Variants in DBF4 observed in about 807,000 individuals in gnomAD.
DBF4 encodes the protein DBF4-CDC7 kinase regulatory subunit.
A neutral mutation model predicts 76.6 loss-of-function variants in DBF4; 25 were observed. The observed-to-expected ratio is 0.33, with a 90% CI of 0.24 to 0.46. DBF4 has a LOEUF of 0.46. Among genes scored for constraint, DBF4 ranks in the 20% least tolerant of loss-of-function variants. The probability of loss-of-function intolerance (pLI) is 1.00; values close to 1 mark genes in which losing one functional copy is unlikely to be tolerated. For missense variants in DBF4, 638 were observed against 760.8 expected, an observed-to-expected ratio of 0.84 and a Z score of 1.90; for synonymous variants, 213 against 258.0, an observed-to-expected ratio of 0.83 and a Z score of 1.67.
chr7:87,882,092 T>G (rs1307079676), intron 2 of DBF4, among the ~76,000 whole-genome samples: 1 of 152,064 alleles, frequency 6.6e-6, no homozygotes, highest in Non-Finnish European at 1.5e-5. Flanking sequence ...TGTAAGAAAT[T>G]AAAAACCAAA....
At chr7:87,904,987 A>G (rs556595544) in intron 11 of DBF4, among the ~76,000 whole-genome samples, 3 of 152,154 alleles carry the variant, frequency 2.0e-5, no homozygotes, top group South Asian at 2.1e-4. Context: ...GTCTCGCCCT[A>G]TCACCCAGGC....
At chr7:87,894,962 A>C (rs993164850) in intron 6 of DBF4, among the ~76,000 whole-genome samples, 2 of 152,044 alleles carry the variant, frequency 1.3e-5, no homozygotes, top group African/African-American at 4.8e-5. Context: ...TTTCTTCACT[A>C]GTCTCTCCCC....
chr7:87,909,268 T>C lies in DBF4; in HGVS notation c.*1105T>C, dbSNP rs2131084879. Reference sequence around the variant, plus strand: ...ATTTGAATCTGTGGATATAAGGCATTTGCCTTTGAGTATGTTCTTGTAGGA... The same window carrying C: ...ATTTGAATCTGTGGATATAAGGCATCTGCCTTTGAGTATGTTCTTGTAGGA... On this transcript the variant is annotated 3_prime_UTR_variant, in exon 12 of 12. Coordinates refer to ENST00000265728, the MANE Select transcript of DBF4 (RefSeq NM_006716.4). 1 of 152,296 alleles carries C rather than the reference T, an allele frequency of 6.6e-6. No homozygotes were observed. Among genetic ancestry groups the C allele is most frequent in the South Asian group, 2.1e-4 (1 of 4,824 alleles). The allele number at this position is 152,296 out of a possible 1,614,324, so 9.4% of individuals were successfully genotyped here.
chr7:87,907,678 C>G lies in DBF4; in HGVS notation c.1540C>G (p.Pro514Ala). Residue 514 changes from proline (P) to alanine (A), a missense_variant, in exon 12 of 12, where the codon CCA (proline) becomes GCA (alanine). Coordinates refer to ENST00000265728, the MANE Select transcript of DBF4 (RefSeq NM_006716.4). ...PKQKSDTVLFPAKDLKEKDLH... is the reference protein window; with the variant it reads ...PKQKSDTVLFAAKDLKEKDLH... ...ACAGAAGTCAGATACTGTGCTTTTT[C>G]CAGCAAAGGATCTCAAGGAAAAGGA... 1 of 1,613,974 alleles carries G rather than the reference C, an allele frequency of 6.2e-7. No individual in the cohort carries two copies. Among genetic ancestry groups the G allele is most frequent in the Non-Finnish European group, 8.5e-7 (1 of 1,179,940 alleles).
intron 10 of DBF4, among the ~76,000 whole-genome samples, chr7:87,904,021 C>T (rs760762034): frequency 3.9e-5 from 6 of 152,158 alleles, no homozygotes; most frequent in Non-Finnish European, 8.8e-5. Context: ...TGACACAGCT[C>T]ATTCTTTTCA....
At chr7:87,897,871 C>T (rs1233082382) in intron 8 of DBF4, among the ~76,000 whole-genome samples, 2 of 152,090 alleles carry the variant, frequency 1.3e-5, no homozygotes, top group Admixed American at 6.5e-5. Context: ...ACCCCACCCC[C>T]GGTTCAAGCA....
chr7:87,903,357 G>A (rs1447983918), intron 10 of DBF4, among the ~76,000 whole-genome samples: 2 of 152,236 alleles, frequency 1.3e-5, no homozygotes, highest in African/African-American at 4.8e-5. Context: ...AGGACTACAG[G>A]CGTAAGCCAC....
At chr7:87,906,792 T>C (rs1839924782) in intron 11 of DBF4, among the ~76,000 whole-genome samples, 1 of 152,116 alleles carries the variant, frequency 6.6e-6, no homozygotes, top group South Asian at 2.1e-4. Flanking sequence ...TTAATGTAAA[T>C]CAAAGCACAG....
chr7:87,887,721 CT>C (rs1441170399), intron 5 of DBF4, among the ~76,000 whole-genome samples: 1 of 152,060 alleles, frequency 6.6e-6, no homozygotes, highest in Non-Finnish European at 1.5e-5. Flanking sequence ...CTCTCTTTCT[CT>C]TTTTATAAAG....
chr7:87,893,236 CTTTTTTT>C (rs869114624), intron 6 of DBF4, among the ~76,000 whole-genome samples: 5 of 126,764 alleles, frequency 3.9e-5, no homozygotes, highest in East Asian at 2.2e-4. Flanking sequence ...ATTTAATATT[CTTTTTTT>C]TTTTTTTTTT....
At chr7:87,881,730 G>T (rs1277158792) in intron 2 of DBF4, among the ~76,000 whole-genome samples, 1 of 152,192 alleles carries the variant, frequency 6.6e-6, no homozygotes, top group African/African-American at 2.4e-5. Context: ...TCTTTGTCTA[G>T]TGGAAACCTC....
chr7:87,897,237 A>T, intron 7 of DBF4, 57 bp from the exon 8 acceptor site: 1 of 1,459,704 alleles, frequency 6.9e-7, no homozygotes, highest in Non-Finnish European at 9.3e-7. Context: ...AGTTTTATTA[A>T]AAAAAAAAAA....
chr7:87,904,209 A>T, intron 10 of DBF4, 83 bp from the exon 11 acceptor site: 1 of 1,407,816 alleles, frequency 7.1e-7, no homozygotes, highest in Non-Finnish European at 9.5e-7. Context: ...TAGGGGCATG[A>T]GAATGTTAGA....
Position 87,901,184 on chromosome 7 carries a change from TAGAG to T in DBF4, c.924+312_924+315del, listed in dbSNP as rs1192943310. On this transcript the variant is annotated intron_variant, in intron 10 of 11. Coordinates refer to ENST00000265728, the MANE Select transcript of DBF4 (RefSeq NM_006716.4). Reference sequence around the variant, plus strand: ...ACAGGATAAAAGAAGAATAAAAATATAGAGAGAGAATATTAGATCAGTGCTATGA... The same window carrying T: ...ACAGGATAAAAGAAGAATAAAAATATAGAGAATATTAGATCAGTGCTATGA... 6.6e-5 allele frequency among the ~76,000 whole-genome samples: 10 copies of T among 152,246 alleles called. No homozygotes were observed. The South Asian group carries it at 8.3e-4, about 13-fold the overall frequency.
chr7:87,884,851 C>A, intron 2 of DBF4, 128 bp from the exon 3 acceptor site: 2 of 619,660 alleles, frequency 3.2e-6, no homozygotes, highest in Non-Finnish European at 5.3e-6. Flanking sequence ...GCGGGAGGAT[C>A]ACTTGAGAAC....
chr7:87,894,122 A>G (rs1056686779), intron 6 of DBF4, among the ~76,000 whole-genome samples: 19 of 152,230 alleles, frequency 1.2e-4, no homozygotes, highest in African/African-American at 4.6e-4. Context: ...TCTTATAATG[A>G]AAATGTCACC....
chr7:87,902,975 A>C (rs1839825485), intron 10 of DBF4, among the ~76,000 whole-genome samples: 1 of 152,212 alleles, frequency 6.6e-6, no homozygotes, highest in Non-Finnish European at 1.5e-5. Context: ...CAAATAATAA[A>C]GTTAGGCTGG....
chr7:87,909,207 T>C lies in DBF4; in HGVS notation c.*1044T>C, dbSNP rs1839983849. ...GATCTGGCACTTACTGATACAAGCA[T>C]TTGGAGAAGAGAAAATTCAAATATA... On this transcript the variant is annotated 3_prime_UTR_variant, in exon 12 of 12. Transcript: ENST00000265728. The C allele has an allele frequency of 6.6e-6, 1 of 152,172 alleles. No homozygotes were observed. The highest frequency in any genetic ancestry group is 2.4e-5 in the African/African-American group (1 of 41,426). 9.4% of individuals were successfully genotyped at this position (152,172 alleles called of 1,614,324 possible).
At position 87,909,143 on chromosome 7, in the gene DBF4, T is replaced by G. The variant is rs923941818; in HGVS notation, c.*980T>G. 4 of 152,166 alleles carry G rather than the reference T, an allele frequency of 2.6e-5. No individual in the cohort carries two copies. The highest frequency in any genetic ancestry group is 5.9e-5 in the Non-Finnish European group (4 of 68,032). 9.4% of individuals were successfully genotyped at this position (152,166 alleles called of 1,614,324 possible). ...TGAAGGAGAAAAGGATGGCATTGAA[T>G]TATAGATACAGTTTTGGGATATATA... On this transcript the variant is annotated 3_prime_UTR_variant, in exon 12 of 12. Transcript: ENST00000265728.
Sources: allele counts gnomAD v4.1 joint callset (sites outside exome capture counted in the v4.1 genomes callset), GRCh38; gene constraint gnomAD v4.1.1; transcripts MANE v1.5; gene names NCBI Gene and HGNC (gene_info 2026-07-23, HGNC 2026-07-21).